Variants in GOLGA3 observed in about 807,000 individuals in gnomAD.
GOLGA3 encodes the protein golgin subfamily A member 3.
In GOLGA3, 75 loss-of-function variants were observed where a neutral mutation model predicts 169.4. The ratio of observed to expected loss-of-function variants is 0.44; its 90% CI spans 0.37 to 0.54. The LOEUF is 0.54. GOLGA3 is among the 20% of genes least tolerant of loss of function. The pLI is 0.00. For missense variants in GOLGA3, 1,899 were observed against 1,930.0 expected, an observed-to-expected ratio of 0.98 and a Z score of 0.30; for synonymous variants, 824 against 822.4, an observed-to-expected ratio of 1.00 and a Z score of -0.03.
At chr12:132,773,865 G>A (rs1225250363) in intron 23 of GOLGA3, among the ~76,000 whole-genome samples, 1 of 101,326 alleles carries the variant, frequency 9.9e-6, no homozygotes, top group Non-Finnish European at 1.9e-5. Context: ...AACCGCAGAG[G>A]CTGTGAGTCC....
At chr12:132,776,117 G>A (rs1202121256) in intron 21 of GOLGA3, among the ~76,000 whole-genome samples, 2 of 152,078 alleles carry the variant, frequency 1.3e-5, no homozygotes, top group Non-Finnish European at 2.9e-5. Flanking sequence ...GGCTGCCCCA[G>A]AAGTGGTGCT....
intron 12 of GOLGA3, among the ~76,000 whole-genome samples, chr12:132,790,175 CA>C (rs936271562): frequency 6.7e-6 from 1 of 148,426 alleles, no homozygotes; most frequent in Non-Finnish European, 1.5e-5. Flanking sequence ...ACTAAAAATG[CA>C]AAAAAAAATT....
chr12:132,781,840 G>A (rs1446360473), intron 17 of GOLGA3, among the ~76,000 whole-genome samples: 3 of 152,112 alleles, frequency 2.0e-5, no homozygotes, highest in Admixed American at 2.0e-4. Flanking sequence ...CTCTTGTTAA[G>A]TGCCCCCTAC....
At chr12:132,790,321 G>A (rs567475061) in intron 12 of GOLGA3, among the ~76,000 whole-genome samples, 19 of 152,236 alleles carry the variant, frequency 1.2e-4, no homozygotes, top group African/African-American at 4.1e-4. Context: ...GGTACAGAGC[G>A]AGACTTCATC....
intron 11 of GOLGA3, among the ~76,000 whole-genome samples, chr12:132,794,444 G>A (rs1309232016): frequency 1.3e-5 from 2 of 152,278 alleles, no homozygotes; most frequent in Middle Eastern, 3.4e-3. Context: ...CTCCCAGTCG[G>A]CTGACTATGG....
intron 23 of GOLGA3, 99 bp downstream of exon 23, chr12:132,774,056 ACT>A (rs1172333558): frequency 1.7e-5 from 19 of 1,135,408 alleles, no homozygotes; most frequent in Non-Finnish European, 2.2e-5. Context: ...ACCTGCTGAA[ACT>A]CTGCTGGGCA....
chr12:132,810,640 CAGGGCCACCAG>C (rs560511446), intron 4 of GOLGA3, among the ~76,000 whole-genome samples: 232 of 152,342 alleles, frequency 1.5e-3, no homozygotes, highest in African/African-American at 5.1e-3. Context: ...TATGCCCAGA[CAGGGCCACCAG>C]AGGGCTCCTG....
chr12:132,790,446 C>T (rs2046168464), intron 12 of GOLGA3, among the ~76,000 whole-genome samples: 1 of 152,202 alleles, frequency 6.6e-6, no homozygotes, highest in Non-Finnish European at 1.5e-5. Context: ...GTCACCCTTG[C>T]TCAGATCCCA....
At chr12:132,817,609 T>C (rs374474842) in intron 2 of GOLGA3, among the ~76,000 whole-genome samples, 2 of 322 alleles carry the variant, frequency 6.2e-3, no homozygotes. Flanking sequence ...TAAGGTGAAC[T>C]CACCCTCCAC....
At chr12:132,797,071 A>C (rs1033682670) in intron 9 of GOLGA3, among the ~76,000 whole-genome samples, 1 of 152,256 alleles carries the variant, frequency 6.6e-6, no homozygotes, top group African/African-American at 2.4e-5. Flanking sequence ...CGCAGTGAAC[A>C]CAGCCTCACA....
At chr12:132,791,083 A>AAT (rs2046205317) in intron 12 of GOLGA3, 133 bp downstream of exon 12, 1 of 315,270 alleles carries the variant, frequency 3.2e-6, no homozygotes, top group East Asian at 4.9e-5. Flanking sequence ...AAAAAAAAAA[A>AAT]AAAATTTAAA....
intron 4 of GOLGA3, among the ~76,000 whole-genome samples, chr12:132,810,727 G>T (rs763590017): frequency 6.6e-6 from 1 of 152,154 alleles, no homozygotes; most frequent in South Asian, 2.1e-4. Flanking sequence ...TCTAGCGGTA[G>T]CATCAGTGTC....
In GOLGA3 at chr12:132,822,060, G is replaced by A; in HGVS notation, c.69C>T (p.Leu23=). The change falls in exon 2 of 24, where the codon CTC becomes CTT. Residue 23 remains leucine, a synonymous_variant. Transcript: ENST00000450791. ...CCGGGGGCTTCAGTGGGGCCTCGGG[G>A]AGAGACGAGGGGCCACTGTGGGATC... is the stretch of plus-strand genomic sequence containing the variant. ...EDRSHSGPSS[L]PEAPLKPPGP... 1.2e-6 allele frequency: 2 copies of A among 1,606,248 alleles called. No homozygotes were observed. The highest frequency in any genetic ancestry group is 8.5e-7 in the Non-Finnish European group (1 of 1,177,244).
chr12:132,782,482 G>A lies in GOLGA3; in HGVS notation c.3279C>T (p.Ser1093=), dbSNP rs1220921457. The change falls in exon 17 of 24, where the codon TCC becomes TCT. Residue 1093 remains serine, a synonymous_variant. Transcript: ENST00000450791. The part of the protein sequence containing the change: ...VLELEDELQE[S]RGFRKKIKRL... Reference sequence around the variant, plus strand: ...GTTTTATCTTCTTCCTAAAGCCTCTGGATTCTTGAAGCTGAAACATACCAA... The same window carrying A: ...GTTTTATCTTCTTCCTAAAGCCTCTAGATTCTTGAAGCTGAAACATACCAA... 7 of 1,613,310 alleles carry A rather than the reference G, an allele frequency of 4.3e-6. No homozygotes were observed. Among genetic ancestry groups the A allele is most frequent in the Non-Finnish European group, 5.9e-6 (7 of 1,179,230 alleles).
At chr12:132,827,362 G>A (rs185618974) in intron 1 of GOLGA3, among the ~76,000 whole-genome samples, 4 of 152,304 alleles carry the variant, frequency 2.6e-5, no homozygotes, top group Admixed American at 1.3e-4. Flanking sequence ...TCAGGACTCC[G>A]GCCTCAGCTC....
chr12:132,800,032 C>A (rs1168143234), intron 8 of GOLGA3, among the ~76,000 whole-genome samples: 1 of 152,192 alleles, frequency 6.6e-6, no homozygotes, highest in East Asian at 1.9e-4. Flanking sequence ...TGCGCTACTG[C>A]ACCTGGCCCA....
rs763323388 is a variant in GOLGA3 at position 132,773,221 on chromosome 12, TCCA to T, written c.4378_4380del (p.Trp1460del). ...CTGGCAGTGGCTGGCTCCAGCGGCG[TCCA>T]CGAGGACAGAGACTCGTGCACCGTC... On this transcript the variant is annotated inframe_deletion, in exon 24 of 24. Transcript: ENST00000450791. The T allele has an allele frequency of 6.4e-7, 1 of 1,572,354 alleles. No individual in the cohort carries two copies. Among genetic ancestry groups the T allele is most frequent in the African/African-American group, 1.4e-5 (1 of 73,406 alleles).
intron 15 of GOLGA3, among the ~76,000 whole-genome samples, chr12:132,785,638 C>T (rs929086313): frequency 2.0e-5 from 3 of 152,142 alleles, no homozygotes; most frequent in African/African-American, 4.8e-5. Context: ...GAAAACCCCA[C>T]GTTATGATAC....
At chr12:132,776,406 C>T (rs200914760) in intron 21 of GOLGA3, among the ~76,000 whole-genome samples, 41 of 137,580 alleles carry the variant, frequency 3.0e-4, no homozygotes, top group Admixed American at 6.2e-4. Context: ...CCCGCAGCAG[C>T]TGCTGTAGCC....
Sources: gnomAD v4.1 joint callset for allele counts (sites outside exome capture counted in the v4.1 genomes callset) on GRCh38, gnomAD v4.1.1 for gene constraint, MANE v1.5 for transcripts, NCBI Gene and HGNC (gene_info 2026-07-23, HGNC 2026-07-21) for gene names.